Variants in BMP6 observed in about 807,000 individuals in gnomAD.
BMP6 encodes the protein bone morphogenetic protein 6, also known as VG-1-R.
Under a neutral mutation model 54.1 loss-of-function variants are expected in BMP6, and 17 were observed. The observed-to-expected ratio is 0.31, with a 90% CI of 0.22 to 0.47. The LOEUF (loss-of-function observed/expected upper bound fraction) is 0.47, where lower values mean the gene tolerates loss of function less well. Among genes scored for constraint, BMP6 ranks in the 20% least tolerant of loss-of-function variants. The pLI is 1.00. For synonymous variants in BMP6, 328 were observed against 291.2 expected, an observed-to-expected ratio of 1.13 and a Z score of -1.28; for missense variants, 720 against 690.4, an observed-to-expected ratio of 1.04 and a Z score of -0.48.
At chr6:7,759,159 C>T (rs62386964) in intron 1 of BMP6, among the ~76,000 whole-genome samples, 12,212 of 152,198 alleles carry the variant, frequency 0.08, 603 homozygotes, top group Admixed American at 0.12. Context: ...GGAGATGATT[C>T]TTGAAGTTTC....
intron 1 of BMP6, among the ~76,000 whole-genome samples, chr6:7,836,038 C>T (rs1395452565): frequency 6.6e-6 from 1 of 151,948 alleles, no homozygotes; most frequent in Non-Finnish European, 1.5e-5. Context: ...GCAAGGTTTC[C>T]CCGTGTTGGC....
chr6:7,779,244 C>T (rs149393650), intron 1 of BMP6, among the ~76,000 whole-genome samples: 371 of 152,294 alleles, frequency 2.4e-3, no homozygotes, highest in Middle Eastern at 3.4e-3. Flanking sequence ...ACCATGGTGC[C>T]CTCTGGGGGA....
At position 7,793,543 on chromosome 6, in the gene BMP6, G is replaced by A. The variant is rs963466257; in HGVS notation, c.665-51597G>A. The stretch of plus-strand genomic sequence containing the variant: ...GACCTTGGGTGATAATGATGTGTCC[G>A]TGTAGGTCCACCGATGATAACTAAT... On this transcript the variant is annotated intron_variant, in intron 1 of 6. Coordinates refer to ENST00000283147, the MANE Select transcript of BMP6 (RefSeq NM_001718.6). Among the ~76,000 whole-genome samples, 3 of 152,006 alleles carry A rather than the reference G, an allele frequency of 2.0e-5. No individual in the cohort carries two copies. In the South Asian group the frequency reaches 6.3e-4, roughly 32 times the overall value.
chr6:7,812,972 G>GAAA (rs67331565), intron 1 of BMP6, among the ~76,000 whole-genome samples: 1,602 of 137,898 alleles, frequency 0.012, 15 homozygotes, highest in Non-Finnish European at 0.016. Context: ...CAAAGGTGAG[G>GAAA]AAAAAAAAAA....
chr6:7,801,966 T>A (rs892820248), intron 1 of BMP6, among the ~76,000 whole-genome samples: 1 of 152,154 alleles, frequency 6.6e-6, no homozygotes, highest in Non-Finnish European at 1.5e-5. Flanking sequence ...CAGAAATTCA[T>A]AGAAGGCCCC....
intron 4 of BMP6, among the ~76,000 whole-genome samples, chr6:7,863,643 T>C (rs910158270): frequency 6.6e-6 from 1 of 152,146 alleles, no homozygotes; most frequent in African/African-American, 2.4e-5. Context: ...TGAGTCCCAT[T>C]CTGCTCAGAA....
intron 1 of BMP6, among the ~76,000 whole-genome samples, chr6:7,844,495 C>T (rs1759028934): frequency 6.6e-6 from 1 of 152,092 alleles, no homozygotes; most frequent in Admixed American, 6.5e-5. Context: ...TGCTCAGAGT[C>T]GTGGAGCCTT....
intron 1 of BMP6, among the ~76,000 whole-genome samples, chr6:7,742,912 C>T (rs573521745): frequency 6.6e-6 from 1 of 152,258 alleles, no homozygotes; most frequent in East Asian, 1.9e-4. Context: ...AGATCTTTCC[C>T]CCCCTTCTTA....
intron 2 of BMP6, among the ~76,000 whole-genome samples, chr6:7,852,990 A>T (rs1290148203): frequency 6.6e-6 from 1 of 151,764 alleles, no homozygotes; most frequent in African/African-American, 2.4e-5. Flanking sequence ...TTGAATTTTG[A>T]TTTTCTCCCC....
intron 1 of BMP6, among the ~76,000 whole-genome samples, chr6:7,767,190 G>C (rs577371670): frequency 6.6e-6 from 1 of 151,858 alleles, no homozygotes; most frequent in South Asian, 2.1e-4. Context: ...GTTTCACCGC[G>C]GTCTCGATCT....
intron 1 of BMP6, among the ~76,000 whole-genome samples, chr6:7,822,840 G>A (rs1355286898): frequency 1.3e-5 from 2 of 151,740 alleles, no homozygotes; most frequent in African/African-American, 2.4e-5. Flanking sequence ...AGCAACTAGT[G>A]GAAACCTTGT....
At chr6:7,849,124 T>A (rs1338476892) in intron 2 of BMP6, among the ~76,000 whole-genome samples, 1 of 152,144 alleles carries the variant, frequency 6.6e-6, no homozygotes, top group African/African-American at 2.4e-5. Flanking sequence ...GTAAGCAACC[T>A]CCTTATGACA....
At chr6:7,798,190 T>C (rs6938135) in intron 1 of BMP6, among the ~76,000 whole-genome samples, 90,821 of 152,104 alleles carry the variant, frequency 0.6, 27,706 homozygotes, top group African/African-American at 0.7. Flanking sequence ...ATGTCCTTAT[T>C]TCTGTAGAGT....
intron 5 of BMP6, 142 bp from the exon 6 acceptor site, chr6:7,879,849 T>C (rs1759684159): frequency 2.3e-6 from 2 of 860,888 alleles, no homozygotes; most frequent in East Asian, 2.7e-5. Context: ...GAATGTGAAC[T>C]TGGACAAATT....
chr6:7,815,166 C>T (rs1325942572), intron 1 of BMP6, among the ~76,000 whole-genome samples: 2 of 152,178 alleles, frequency 1.3e-5, no homozygotes, highest in African/African-American at 4.8e-5. Context: ...GCCTTGGTTT[C>T]TCTTACCAAG....
chr6:7,874,747 C>G (rs184862310), intron 4 of BMP6, among the ~76,000 whole-genome samples: 4 of 152,074 alleles, frequency 2.6e-5, no homozygotes, highest in Admixed American at 2.0e-4. Context: ...GACCCTGTCT[C>G]AAAAATTTCT....
intron 1 of BMP6, among the ~76,000 whole-genome samples, chr6:7,825,094 G>T (rs1177826229): frequency 6.6e-6 from 1 of 152,198 alleles, no homozygotes; most frequent in Non-Finnish European, 1.5e-5. Flanking sequence ...AGGCCAGAGG[G>T]TTGCTTGAGG....
chr6:7,847,409 C>T (rs1759083974), intron 2 of BMP6, among the ~76,000 whole-genome samples: 1 of 152,174 alleles, frequency 6.6e-6, no homozygotes, highest in African/African-American at 2.4e-5. Context: ...AGCGTTCTTC[C>T]AGAGGCCTCC....
chr6:7,792,723 G>A (rs1425875134), intron 1 of BMP6, among the ~76,000 whole-genome samples: 2 of 152,200 alleles, frequency 1.3e-5, no homozygotes. Context: ...ATGCTTGATG[G>A]CAGGGAATGG....
Sources: gnomAD v4.1 joint callset for allele counts (sites outside exome capture counted in the v4.1 genomes callset) on GRCh38, gnomAD v4.1.1 for gene constraint, MANE v1.5 for transcripts, NCBI Gene and HGNC (gene_info 2026-07-23, HGNC 2026-07-21) for gene names.